Variants in TMEM182 observed in about 807,000 individuals in gnomAD.
TMEM182 encodes the protein transmembrane protein 182.
TMEM182 carries 20 observed loss-of-function variants against 26.8 expected under a neutral mutation model. The ratio of observed to expected loss-of-function variants is 0.75; its 90% CI spans 0.53 to 1.09. The LOEUF (loss-of-function observed/expected upper bound fraction) is 1.09, where lower values mean the gene tolerates loss of function less well. Among genes scored for constraint, TMEM182 ranks in the 50% least tolerant of loss-of-function variants. The pLI is 0.00. For missense variants in TMEM182, 277 were observed against 275.5 expected (o/e 1.01, Z -0.04); for synonymous variants, 109 against 102.2 (o/e 1.07, Z -0.40).
At chr2:102,792,449 C>T (rs1226643535) in intron 3 of TMEM182, among the ~76,000 whole-genome samples, 1 of 152,104 alleles carries the variant, frequency 6.6e-6, no homozygotes, top group African/African-American at 2.4e-5. Flanking sequence ...TTTCAGTTCC[C>T]AAATGAATGT....
intron 3 of TMEM182, chr2:102,775,264 A>G (rs1003326251): frequency 6.6e-6 from 1 of 152,206 alleles, no homozygotes; most frequent in South Asian, 2.1e-4. Flanking sequence ...AATCCAGCAT[A>G]TAAACAGAAC....
At chr2:102,824,046 G>A (rs1035868588) in intron 3 of TMEM182, among the ~76,000 whole-genome samples, 1 of 152,190 alleles carries the variant, frequency 6.6e-6, no homozygotes, top group African/African-American at 2.4e-5. Context: ...TTCAGAAAGA[G>A]GGTTTTAAAA....
At chr2:102,831,795 GA>G (rs1259283436) in intron 3 of TMEM182, among the ~76,000 whole-genome samples, 1 of 152,056 alleles carries the variant, frequency 6.6e-6, no homozygotes, top group Non-Finnish European at 1.5e-5. Context: ...AAGGATGCCA[GA>G]TGCAGAACTT....
intron 3 of TMEM182, among the ~76,000 whole-genome samples, chr2:102,788,086 G>A (rs903126069): frequency 1.3e-5 from 2 of 152,130 alleles, no homozygotes; most frequent in African/African-American, 2.4e-5. Context: ...AGAGACAAGG[G>A]TGGCGGTGGA....
At chr2:102,748,706 G>T (rs1470013588) in intron 1 of TMEM182, among the ~76,000 whole-genome samples, 1 of 151,978 alleles carries the variant, frequency 6.6e-6, no homozygotes, top group African/African-American at 2.4e-5. Context: ...AAGTTAAAAG[G>T]GTATTTTCTT....
At chr2:102,804,707 T>A (rs895252803) in intron 4 of TMEM182, among the ~76,000 whole-genome samples, 4 of 152,078 alleles carry the variant, frequency 2.6e-5, no homozygotes, top group Admixed American at 6.6e-5. Flanking sequence ...AGACTTAACA[T>A]ATTAAGAGCT....
chr2:102,797,325 G>A (rs1339321793), intron 3 of TMEM182, among the ~76,000 whole-genome samples: 1 of 152,176 alleles, frequency 6.6e-6, no homozygotes, highest in African/African-American at 2.4e-5. Flanking sequence ...TTTCTATAGA[G>A]CCAACAATCT....
At chr2:102,758,094 GAT>G (rs552954937), upstream of TMEM182, among the ~76,000 whole-genome samples, 305 of 152,254 alleles carry the variant, frequency 2.0e-3, no homozygotes, top group African/African-American at 7.1e-3. Flanking sequence ...TCAATGTAAA[GAT>G]AGAGTCAATA....
rs146537493 is a variant in TMEM182, at chr2:102,806,746, T to C, written c.470-8002T>C. On this transcript the variant is annotated intron_variant, in intron 4 of 4. Coordinates refer to ENST00000412401, the MANE Select transcript of TMEM182 (RefSeq NM_144632.5). The stretch of plus-strand genomic sequence containing the variant: ...GGCACTGTTTTCAGGACTTTTCCTC[T>C]GTTCGGTCCTCATGACTACTTTCTG... Among the ~76,000 whole-genome samples the C allele has an allele frequency of 2.8e-4, 43 of 152,348 alleles. 2 individuals carry two copies. Among genetic ancestry groups the C allele is most frequent in the Middle Eastern group, 3.4e-3 (1 of 294 alleles).
At chr2:102,763,218 T>C (rs924027616) in intron 2 of TMEM182, among the ~76,000 whole-genome samples, 1 of 152,210 alleles carries the variant, frequency 6.6e-6, no homozygotes, top group Non-Finnish European at 1.5e-5. Context: ...GTTGGCACTA[T>C]CAAGAAGTGC....
chr2:102,750,990 G>A (rs1019280705), intron 1 of TMEM182, among the ~76,000 whole-genome samples: 1 of 152,086 alleles, frequency 6.6e-6, no homozygotes, highest in African/African-American at 2.4e-5. Context: ...TTCTTGCTGT[G>A]GCCTCATTTA....
At chr2:102,840,307 G>A (rs111297910) in intron 3 of TMEM182, among the ~76,000 whole-genome samples, 15 of 152,268 alleles carry the variant, frequency 9.9e-5, no homozygotes, top group African/African-American at 3.6e-4. Context: ...GCCTAAGTGC[G>A]AAATCGCCAT....
chr2:102,819,398 T>C (rs1682861424), downstream of TMEM182, among the ~76,000 whole-genome samples: 1 of 152,162 alleles, frequency 6.6e-6, no homozygotes, highest in African/African-American at 2.4e-5. Context: ...TCAAGGGAAA[T>C]TTTTCTCAAA....
At chr2:102,828,741 C>T (rs915076976) in intron 3 of TMEM182, among the ~76,000 whole-genome samples, 1 of 152,104 alleles carries the variant, frequency 6.6e-6, no homozygotes, top group African/African-American at 2.4e-5. Context: ...CAGTAGATGT[C>T]GGCTAGATGA....
At chr2:102,792,371 T>G (rs966430675) in intron 3 of TMEM182, among the ~76,000 whole-genome samples, 15 of 152,296 alleles carry the variant, frequency 9.8e-5, no homozygotes, top group African/African-American at 3.1e-4. Flanking sequence ...GAATACTGCT[T>G]TCTGCATTAG....
At chr2:102,831,362 A>G (rs1387044456) in intron 3 of TMEM182, among the ~76,000 whole-genome samples, 1 of 152,218 alleles carries the variant, frequency 6.6e-6, no homozygotes, top group Non-Finnish European at 1.5e-5. Flanking sequence ...TATGTATTCT[A>G]CATTTTAACC....
At chr2:102,764,214 C>G in intron 2 of TMEM182, 115 bp from the exon 3 acceptor site, 1 of 992,638 alleles carries the variant, frequency 1.0e-6, no homozygotes, top group Non-Finnish European at 1.5e-6. Flanking sequence ...GCTGATGGAA[C>G]CAGTAGTTTT....
intron 1 of TMEM182, among the ~76,000 whole-genome samples, chr2:102,753,202 C>A (rs527900837): frequency 6.7e-6 from 1 of 149,436 alleles, no homozygotes; most frequent in South Asian, 2.1e-4. Context: ...CTTCCCCCCC[C>A]CACTGCCTTC....
At chr2:102,759,666 A>G (rs1558755629), upstream of TMEM182, among the ~76,000 whole-genome samples, 1 of 152,230 alleles carries the variant, frequency 6.6e-6, no homozygotes, top group Non-Finnish European at 1.5e-5. Context: ...GGCTTAAAAC[A>G]ATACAGATTT....
Sources: gnomAD v4.1 joint callset for allele counts (sites outside exome capture counted in the v4.1 genomes callset) on GRCh38, gnomAD v4.1.1 for gene constraint, MANE v1.5 for transcripts, NCBI Gene and HGNC (gene_info 2026-07-23, HGNC 2026-07-21) for gene names.